CSMD1: variants seen among roughly 807,000 people sequenced by gnomAD.
The protein encoded by CSMD1 is CUB and Sushi multiple domains 1.
A neutral mutation model predicts 417.5 loss-of-function variants in CSMD1; 213 were observed. The ratio of observed to expected loss-of-function variants is 0.51; its 90% CI spans 0.46 to 0.57. CSMD1 has a LOEUF of 0.57. Among genes scored for constraint, CSMD1 ranks in the 20% least tolerant of loss-of-function variants. CSMD1 has a pLI of 0.00. For synonymous variants in CSMD1, 2,862 were observed against 1,736.8 expected, an observed-to-expected ratio of 1.65 and a Z score of -16.11; for missense variants, 6,923 against 4,529.7, an observed-to-expected ratio of 1.53 and a Z score of -15.17.
intron 5 of CSMD1, among the ~76,000 whole-genome samples, chr8:3,840,984 G>C (rs997034923): frequency 1.3e-5 from 2 of 152,060 alleles, no homozygotes; most frequent in Non-Finnish European, 2.9e-5. Context: ...TCAGATTACA[G>C]GCATGAACCA....
chr8:4,573,827 G>A (rs1005833063), intron 2 of CSMD1, among the ~76,000 whole-genome samples: 1 of 152,192 alleles, frequency 6.6e-6, no homozygotes, highest in Non-Finnish European at 1.5e-5. Flanking sequence ...TGCCTAGGGA[G>A]GAGGAATCTA....
rs187744314 is a variant in CSMD1 at position 4,647,400 on chromosome 8, T to C, written c.86-9842A>G. On this transcript the variant is annotated intron_variant, in intron 1 of 69. Transcript: ENST00000635120. ...GGTACGCGTGTGCCACGGAGGTCTG[T>C]TAGGTAGGTACGCGTGTGCCACGGC... 1.2e-3 allele frequency among the ~76,000 whole-genome samples: 104 copies of C among 83,244 alleles called. No homozygotes were observed. The East Asian group carries it at 0.016, about 13-fold the overall frequency. 54.6% of individuals were successfully genotyped at this position (83,244 alleles called of 152,430 possible).
chr8:4,039,909 A>G (rs909321912), intron 3 of CSMD1, among the ~76,000 whole-genome samples: 3 of 152,196 alleles, frequency 2.0e-5, no homozygotes, highest in African/African-American at 7.2e-5. Flanking sequence ...CATCTTAGAA[A>G]GGGGAATGAA....
intron 2 of CSMD1, among the ~76,000 whole-genome samples, chr8:4,546,830 T>C (rs1797659581): frequency 6.6e-6 from 1 of 151,916 alleles, no homozygotes. Context: ...ATAATATTTG[T>C]ATATAATACA....
At chr8:3,341,223 G>A (rs1807621400) in intron 23 of CSMD1, among the ~76,000 whole-genome samples, 3 of 151,950 alleles carry the variant, frequency 2.0e-5, no homozygotes, top group Admixed American at 1.3e-4. Context: ...GGAACAAGCC[G>A]ACCACCTATA....
At chr8:4,198,355 A>T (rs1799459290) in intron 3 of CSMD1, among the ~76,000 whole-genome samples, 1 of 152,236 alleles carries the variant, frequency 6.6e-6, no homozygotes, top group African/African-American at 2.4e-5. Context: ...GTGCTAAGCC[A>T]GGAGCCTGAA....
At chr8:4,306,055 G>A (rs933279485) in intron 3 of CSMD1, among the ~76,000 whole-genome samples, 1 of 152,070 alleles carries the variant, frequency 6.6e-6, no homozygotes, top group South Asian at 2.1e-4. Flanking sequence ...GCACATTACT[G>A]GACATTTTGA....
chr8:3,847,080 G>C (rs898280476), intron 5 of CSMD1, among the ~76,000 whole-genome samples: 1 of 152,122 alleles, frequency 6.6e-6, no homozygotes, highest in Non-Finnish European at 1.5e-5. Flanking sequence ...GGTGGGGGAA[G>C]GCAGGATCCT....
chr8:4,637,574 C>G lies in CSMD1; in HGVS notation c.86-16G>C, dbSNP rs1351360079. 1.9e-6 allele frequency: 3 copies of G among 1,545,658 alleles called. No individual in the cohort carries two copies. Among genetic ancestry groups the G allele is most frequent in the Non-Finnish European group, 2.7e-6 (3 of 1,130,870 alleles). ...CAGTTCTGACCTGGAAGAGAAAACACACACAAAAAAGCATATTATTCTGGC... is the reference window on the plus strand; with the variant it reads ...CAGTTCTGACCTGGAAGAGAAAACAGACACAAAAAAGCATATTATTCTGGC... On this transcript the variant is annotated splice_polypyrimidine_tract_variant and intron_variant, in intron 1 of 69. Coordinates refer to ENST00000635120, the MANE Select transcript of CSMD1 (RefSeq NM_033225.6).
intron 41 of CSMD1, among the ~76,000 whole-genome samples, chr8:3,133,940 C>T (rs1052255165): frequency 5.9e-5 from 9 of 152,208 alleles, no homozygotes; most frequent in South Asian, 2.1e-4. Flanking sequence ...TCTGGGAGGC[C>T]GAGGCAGGCA....
At chr8:4,378,948 T>C (rs1168201587) in intron 3 of CSMD1, among the ~76,000 whole-genome samples, 1 of 152,210 alleles carries the variant, frequency 6.6e-6, no homozygotes, top group Non-Finnish European at 1.5e-5. Flanking sequence ...ATTCCTATTA[T>C]TTATAAGCCT....
chr8:2,993,286 G>A (rs1482487564), intron 54 of CSMD1, among the ~76,000 whole-genome samples: 3 of 152,238 alleles, frequency 2.0e-5, no homozygotes, highest in Admixed American at 1.3e-4. Flanking sequence ...ACAAATGGGT[G>A]TGGATTGCCT....
Position 3,329,044 on chromosome 8 carries a change from G to A in CSMD1, c.3631+14250C>T, listed in dbSNP as rs191224393. ...CTGAAAAAATTTACCTAAATATGGAGGCTGCTGTTGGCATGGAATGGAGGT... is the reference window on the plus strand; with the variant it reads ...CTGAAAAAATTTACCTAAATATGGAAGCTGCTGTTGGCATGGAATGGAGGT... On this transcript the variant is annotated intron_variant, in intron 23 of 69. Transcript: ENST00000635120. Among the ~76,000 whole-genome samples, 648 of 152,230 alleles carry A rather than the reference G, an allele frequency of 4.3e-3. 4 individuals are homozygous for A. Among genetic ancestry groups the A allele is most frequent in the African/African-American group, 0.014 (566 of 41,528 alleles).
intron 2 of CSMD1, among the ~76,000 whole-genome samples, chr8:4,422,858 T>C (rs1383576329): frequency 2.0e-5 from 3 of 152,026 alleles, no homozygotes; most frequent in Non-Finnish European, 1.5e-5. Flanking sequence ...TAGAGGAATG[T>C]TAGAAAGGTC....
chr8:4,265,298 T>G (rs970290638), intron 3 of CSMD1, among the ~76,000 whole-genome samples: 2 of 152,052 alleles, frequency 1.3e-5, no homozygotes, highest in Admixed American at 1.3e-4. Context: ...ATAGTGAGAT[T>G]AAAAACATAT....
At chr8:3,832,581 C>A (rs951272500) in intron 5 of CSMD1, among the ~76,000 whole-genome samples, 1 of 151,898 alleles carries the variant, frequency 6.6e-6, no homozygotes, top group South Asian at 2.1e-4. Context: ...CGTAAAAAAA[C>A]AAAAACAGAA....
At chr8:3,581,499 T>A (rs140405875) in intron 9 of CSMD1, among the ~76,000 whole-genome samples, 10 of 152,328 alleles carry the variant, frequency 6.6e-5, no homozygotes, top group African/African-American at 2.4e-4. Flanking sequence ...GAAGGATCAC[T>A]TCTGACTCAC....
chr8:3,204,672 T>C (rs546827578), intron 31 of CSMD1, among the ~76,000 whole-genome samples: 2 of 152,206 alleles, frequency 1.3e-5, no homozygotes, highest in Non-Finnish European at 2.9e-5. Flanking sequence ...TGTCACATGT[T>C]AAAAATGCTT....
chr8:3,242,829 G>A (rs1487799026), intron 26 of CSMD1, among the ~76,000 whole-genome samples: 2 of 151,206 alleles, frequency 1.3e-5, no homozygotes, highest in Non-Finnish European at 1.5e-5. Flanking sequence ...GGGTTGGGGC[G>A]CAGATATAAG....
Sources: allele counts gnomAD v4.1 joint callset (sites outside exome capture counted in the v4.1 genomes callset), GRCh38; gene constraint gnomAD v4.1.1; transcripts MANE v1.5; gene names NCBI Gene and HGNC (gene_info 2026-07-23, HGNC 2026-07-21).